SH3BP5: variants seen among roughly 807,000 people sequenced by gnomAD.
SH3BP5 encodes SH3 domain binding protein 5, also known as SH3 domain-binding protein 5.
A neutral mutation model predicts 43.3 loss-of-function variants in SH3BP5; 22 were observed. The observed-to-expected ratio is 0.51, with a 90% CI of 0.36 to 0.73. The LOEUF (loss-of-function observed/expected upper bound fraction) is 0.73, where lower values mean the gene tolerates loss of function less well. Among genes scored for constraint, SH3BP5 ranks in the 30% least tolerant of loss-of-function variants. The probability of loss-of-function intolerance (pLI) is 0.00; values close to 1 mark genes in which losing one functional copy is unlikely to be tolerated. For synonymous variants in SH3BP5, 255 were observed against 225.8 expected, an observed-to-expected ratio of 1.13 and a Z score of -1.16; for missense variants, 529 against 586.9, an observed-to-expected ratio of 0.90 and a Z score of 1.02.
intron 4 of SH3BP5, among the ~76,000 whole-genome samples, chr3:15,266,191 G>C (rs1202054087): frequency 6.6e-6 from 1 of 152,230 alleles, no homozygotes; most frequent in Non-Finnish European, 1.5e-5. Context: ...GTTTCAGACT[G>C]TTTCCTGATT....
chr3:15,262,317 G>T, intron 4 of SH3BP5, 28 bp from the exon 5 acceptor site: 6 of 1,596,722 alleles, frequency 3.8e-6, no homozygotes, highest in Non-Finnish European at 2.6e-6. Context: ...GTTCAGCCCA[G>T]TCCAGCCCAG....
intron 3 of SH3BP5, among the ~76,000 whole-genome samples, chr3:15,283,154 T>C (rs1194164913): frequency 6.6e-6 from 1 of 152,184 alleles, no homozygotes; most frequent in Non-Finnish European, 1.5e-5. Flanking sequence ...TCTCAGCACT[T>C]TGGGAGGCCA....
At chr3:15,320,741 G>C (rs1698306284) in intron 2 of SH3BP5, among the ~76,000 whole-genome samples, 1 of 151,950 alleles carries the variant, frequency 6.6e-6, no homozygotes, top group Non-Finnish European at 1.5e-5. Context: ...CTGTCAACCT[G>C]GGGATTTGAA....
chr3:15,313,421 C>T (rs747349281), intron 2 of SH3BP5, among the ~76,000 whole-genome samples: 5 of 152,182 alleles, frequency 3.3e-5, no homozygotes, highest in Non-Finnish European at 5.9e-5. Flanking sequence ...TTAGCAGGAA[C>T]ATACTAGAAT....
At chr3:15,319,144 T>G (rs1477543787) in intron 2 of SH3BP5, among the ~76,000 whole-genome samples, 1 of 152,206 alleles carries the variant, frequency 6.6e-6, no homozygotes, top group Non-Finnish European at 1.5e-5. Context: ...TTTTTTCTAA[T>G]AGGTATTGAA....
chr3:15,319,996 C>T lies in SH3BP5; in HGVS notation c.201+10508G>A, dbSNP rs185535774. Among the ~76,000 whole-genome samples, 581 of 152,178 alleles carry T rather than the reference C, an allele frequency of 3.8e-3. 6 individuals are homozygous for T. The highest frequency in any genetic ancestry group is 0.013 in the African/African-American group (554 of 41,508). On this transcript the variant is annotated intron_variant, in intron 2 of 8. Coordinates refer to ENST00000383791, the MANE Select transcript of SH3BP5 (RefSeq NM_004844.5). ...TGTTAGGGAGAAACAGTAACCAGAA[C>T]AATGAAGAAGAAAAACACCCCCTTT...
intron 3 of SH3BP5, among the ~76,000 whole-genome samples, chr3:15,274,498 T>C (rs1696908435): frequency 6.6e-6 from 1 of 151,912 alleles, no homozygotes; most frequent in Non-Finnish European, 1.5e-5. Flanking sequence ...TTTTTGTTGG[T>C]TGGTTGGTTG....
intron 3 of SH3BP5, among the ~76,000 whole-genome samples, chr3:15,293,492 C>A (rs1023486905): frequency 6.6e-6 from 1 of 152,208 alleles, no homozygotes; most frequent in Non-Finnish European, 1.5e-5. Context: ...GGAACAAGAG[C>A]TTCTCGGAAC....
Position 15,257,038 on chromosome 3 carries a change from G to T in SH3BP5, c.965C>A (p.Ser322Tyr), listed in dbSNP as rs774105307. 1.8e-5 allele frequency: 29 copies of T among 1,614,092 alleles called. No individual in the cohort carries two copies. The South Asian group carries it at 3.1e-4, about 17-fold the overall frequency. ...SEDDSETQSV[S>Y]SFSSGPTSPS... ...GCTTGTTGGTCCTGAACTAAAGCTG[G>T]ACACGGACTGGGTTTCCGAGTCATC... is the stretch of plus-strand genomic sequence containing the variant. The change falls in exon 8 of 9, where the codon TCC becomes TAC. Residue 322 changes from serine (S) to tyrosine (Y), a missense_variant. This residue lies in a region of SH3BP5 where 369 missense variants were observed against 384.3 expected (regional missense o/e 0.96). Coordinates refer to ENST00000383791, the MANE Select transcript of SH3BP5 (RefSeq NM_004844.5).
intron 3 of SH3BP5, among the ~76,000 whole-genome samples, chr3:15,281,592 G>A (rs888354372): frequency 3.3e-5 from 5 of 152,106 alleles, no homozygotes; most frequent in South Asian, 2.1e-4. Context: ...TGGGGGTTGC[G>A]AGCATAACAC....
intron 4 of SH3BP5, among the ~76,000 whole-genome samples, chr3:15,267,513 G>A (rs774923107): frequency 6.6e-5 from 10 of 152,258 alleles, no homozygotes; most frequent in South Asian, 2.1e-4. Context: ...CATGTGACCC[G>A]GAACACCTGC....
intron 3 of SH3BP5, among the ~76,000 whole-genome samples, chr3:15,291,696 A>G (rs188819816): frequency 8.7e-4 from 133 of 152,316 alleles, no homozygotes; most frequent in African/African-American, 2.9e-3. Flanking sequence ...AGAGGTTCCC[A>G]CAGCATGATG....
At chr3:15,327,008 C>G (rs943393431) in intron 2 of SH3BP5, among the ~76,000 whole-genome samples, 3 of 152,154 alleles carry the variant, frequency 2.0e-5, no homozygotes, top group African/African-American at 7.2e-5. Context: ...CCTGCATTTT[C>G]CCTACAACAA....
chr3:15,258,682 T>C, intron 7 of SH3BP5, 149 bp downstream of exon 7: 1 of 631,576 alleles, frequency 1.6e-6, no homozygotes, highest in Non-Finnish European at 2.8e-6. Context: ...AACACAGTGT[T>C]CCATAAAACA....
chr3:15,332,674 G>C, upstream of SH3BP5: 1 of 1,140,884 alleles, frequency 8.8e-7, no homozygotes, highest in African/African-American at 1.6e-5. Flanking sequence ...GCGTTCCGCC[G>C]CCAGTCCCAG....
intron 3 of SH3BP5, among the ~76,000 whole-genome samples, chr3:15,302,010 T>A (rs1470860553): frequency 6.6e-6 from 1 of 152,162 alleles, no homozygotes; most frequent in Non-Finnish European, 1.5e-5. Flanking sequence ...CACAGAACCA[T>A]AAATCCCAGT....
chr3:15,305,654 C>T (rs1224184941), intron 2 of SH3BP5, among the ~76,000 whole-genome samples: 2 of 151,946 alleles, frequency 1.3e-5, no homozygotes, highest in East Asian at 3.9e-4. Flanking sequence ...ATACTGAGTC[C>T]CAAGCAGGCA....
Position 15,294,569 on chromosome 3 carries a change from A to G in SH3BP5, c.330+9534T>C, listed in dbSNP as rs1262483130. On this transcript the variant is annotated intron_variant, in intron 3 of 8. Coordinates refer to ENST00000383791, the MANE Select transcript of SH3BP5 (RefSeq NM_004844.5). ...TCACATTCTCTTAGATTAGGCCACA[A>G]CACCGGAAAGGTTTATGTAAAGGCC... Among the ~76,000 whole-genome samples the G allele has an allele frequency of 5.3e-5, 8 of 152,156 alleles. No homozygotes were observed. In the East Asian group the frequency reaches 5.8e-4, roughly 11 times the overall value.
intron 4 of SH3BP5, among the ~76,000 whole-genome samples, chr3:15,269,208 T>C (rs556986291): frequency 7.9e-5 from 12 of 152,262 alleles, no homozygotes; most frequent in Admixed American, 4.6e-4. Context: ...CCTCTGTGCC[T>C]GTCAACTCCC....
Sources: gnomAD v4.1 joint callset for allele counts (sites outside exome capture counted in the v4.1 genomes callset) on GRCh38, gnomAD v4.1.1 for gene constraint, gnomAD v4.1.1 regional missense constraint, MANE v1.5 for transcripts, NCBI Gene and HGNC (gene_info 2026-07-23, HGNC 2026-07-21) for gene names.